RAB38: variants seen among roughly 807,000 people sequenced by gnomAD.
RAB38 encodes the protein ras-related protein Rab-38.
RAB38 carries 15 observed loss-of-function variants against 18.4 expected under a neutral mutation model. The ratio of observed to expected loss-of-function variants is 0.82; its 90% CI spans 0.55 to 1.26. The LOEUF is 1.26. RAB38 is among the 50% of genes most tolerant of loss of function. The pLI, the probability that RAB38 is intolerant of heterozygous loss-of-function variation, is 0.00. For synonymous variants in RAB38, 101 were observed against 104.4 expected (o/e 0.97, Z 0.20); for missense variants, 294 against 267.4 (o/e 1.10, Z -0.69).
the RAB38 span, among the ~76,000 whole-genome samples, chr11:87,936,476 G>A: frequency 6.6e-6 from 1 of 151,944 alleles, no homozygotes; most frequent in African/African-American, 2.4e-5. Context: ...AAATACTTCT[G>A]GGTTCTTCTG....
chr11:87,962,791 TAA>T, the RAB38 span, among the ~76,000 whole-genome samples: 6 of 152,186 alleles, frequency 3.9e-5, no homozygotes, highest in African/African-American at 9.7e-5. Context: ...TCAAAATTGC[TAA>T]GAGTAAATTT....
the RAB38 span, among the ~76,000 whole-genome samples, chr11:88,044,869 C>G: frequency 8.5e-5 from 13 of 152,254 alleles, no homozygotes; most frequent in South Asian, 1.0e-3. Context: ...TCTTCCTCAG[C>G]CTCTGCTCCA....
chr11:88,109,348 T>C (rs1386943140), downstream of RAB38, among the ~76,000 whole-genome samples: 2 of 152,164 alleles, frequency 1.3e-5, no homozygotes, highest in Non-Finnish European at 2.9e-5. Context: ...ACCCCTTCCT[T>C]ACACCTTACA....
chr11:88,028,162 G>A, the RAB38 span, among the ~76,000 whole-genome samples: 1 of 152,190 alleles, frequency 6.6e-6, no homozygotes, highest in Non-Finnish European at 1.5e-5. Flanking sequence ...ACCTGCAGCT[G>A]AGGGTCCTGT....
chr11:87,889,343 G>A, the RAB38 span, among the ~76,000 whole-genome samples: 3 of 152,016 alleles, frequency 2.0e-5, no homozygotes, highest in Non-Finnish European at 2.9e-5. Context: ...CACATGTGCT[G>A]TTCTTCCCTG....
At chr11:88,170,114 G>A (rs1233526531) in intron 1 of RAB38, among the ~76,000 whole-genome samples, 8 of 152,138 alleles carry the variant, frequency 5.3e-5, no homozygotes, top group Admixed American at 3.3e-4. Context: ...CAGATGACAC[G>A]ACATGTCCTG....
chr11:88,032,534 AAAAC>A, the RAB38 span, among the ~76,000 whole-genome samples: 6 of 152,338 alleles, frequency 3.9e-5, no homozygotes, highest in African/African-American at 4.8e-5. Flanking sequence ...TTACAAGAAA[AAAAC>A]AAACAACCCC....
At chr11:87,854,724 C>CCAGA in the RAB38 span, among the ~76,000 whole-genome samples, 2 of 152,226 alleles carry the variant, frequency 1.3e-5, no homozygotes, top group East Asian at 1.9e-4. Flanking sequence ...TATGTAAAAA[C>CCAGA]CAGACAGTGC....
chr11:88,047,629 T>G, the RAB38 span, among the ~76,000 whole-genome samples: 3 of 152,230 alleles, frequency 2.0e-5, no homozygotes, highest in Non-Finnish European at 4.4e-5. Context: ...TCCTCTATCA[T>G]TAATGCCTCT....
the RAB38 span, among the ~76,000 whole-genome samples, chr11:87,927,871 G>A: frequency 8.6e-5 from 13 of 151,824 alleles, no homozygotes; most frequent in Non-Finnish European, 1.3e-4. Flanking sequence ...GTTCCAGACC[G>A]GCCTGGGCAA....
At chr11:88,006,606 CATTATAT>C in the RAB38 span, among the ~76,000 whole-genome samples, 1 of 130,338 alleles carries the variant, frequency 7.7e-6, no homozygotes, top group African/African-American at 2.7e-5. Context: ...TATATATACA[CATTATAT>C]ATATGTATAT....
At chr11:87,959,834 G>A in the RAB38 span, among the ~76,000 whole-genome samples, 66 of 152,268 alleles carry the variant, frequency 4.3e-4, no homozygotes, top group African/African-American at 9.6e-4. Flanking sequence ...AGGGTATCAC[G>A]TCAGAAGAAT....
chr11:87,914,381 T>A, the RAB38 span, among the ~76,000 whole-genome samples: 3 of 152,130 alleles, frequency 2.0e-5, no homozygotes, highest in African/African-American at 7.2e-5. Flanking sequence ...GTTCACGCTG[T>A]AGGGCCCTGT....
chr11:87,814,433 T>C, the RAB38 span, among the ~76,000 whole-genome samples: 1 of 152,198 alleles, frequency 6.6e-6, no homozygotes, highest in Admixed American at 6.5e-5. Context: ...TAATGCACTT[T>C]TATATGTAAA....
chr11:87,976,438 ATT>A, the RAB38 span, among the ~76,000 whole-genome samples: 7 of 135,538 alleles, frequency 5.2e-5, no homozygotes, highest in African/African-American at 1.9e-4. Flanking sequence ...ATGCATTTAT[ATT>A]TTTTATATTT....
At chr11:88,052,336 C>T in the RAB38 span, among the ~76,000 whole-genome samples, 13 of 152,122 alleles carry the variant, frequency 8.5e-5, no homozygotes, top group East Asian at 3.9e-4. Context: ...TTATGCTGTC[C>T]GTCCCAAAAA....
chr11:88,114,245 C>T (rs1456643241), intron 2 of RAB38, 105 bp from the exon 3 acceptor site: 4 of 1,186,122 alleles, frequency 3.4e-6, no homozygotes, highest in Non-Finnish European at 4.8e-6. Context: ...TTCCTATATG[C>T]TACATATGCA....
At chr11:88,071,041 A>G in the RAB38 span, among the ~76,000 whole-genome samples, 3 of 152,332 alleles carry the variant, frequency 2.0e-5, no homozygotes, top group Admixed American at 6.5e-5. Context: ...TCACAAATAT[A>G]TACTCAAAAA....
chr11:87,865,004 G>GT, the RAB38 span, among the ~76,000 whole-genome samples: 3 of 151,710 alleles, frequency 2.0e-5, no homozygotes, highest in African/African-American at 7.2e-5. Context: ...TACGCTTTGC[G>GT]ATTTGTTTGA....
Sources: allele counts gnomAD v4.1 joint callset (sites outside exome capture counted in the v4.1 genomes callset), GRCh38; gene constraint gnomAD v4.1.1; transcripts MANE v1.5; gene names NCBI Gene and HGNC (gene_info 2026-07-23, HGNC 2026-07-21).